Variants in PPP2R2D observed in about 807,000 individuals in gnomAD.
PPP2R2D encodes the protein serine/threonine-protein phosphatase 2A 55 kDa regulatory subunit B delta isoform.
A neutral mutation model predicts 31.1 loss-of-function variants in PPP2R2D; 9 were observed. The ratio of observed to expected loss-of-function variants is 0.29; its 90% confidence interval spans 0.17 to 0.51. PPP2R2D has a LOEUF of 0.51. PPP2R2D is among the 20% of genes least tolerant of loss of function. The pLI is 0.98. For synonymous variants in PPP2R2D, 179 were observed against 172.6 expected, an observed-to-expected ratio of 1.04 and a Z score of -0.29; for missense variants, 391 against 465.6, an observed-to-expected ratio of 0.84 and a Z score of 1.48.
chr10:131,922,093 A>C (rs2035997211), intron 2 of PPP2R2D, among the ~76,000 whole-genome samples: 1 of 152,182 alleles, frequency 6.6e-6, no homozygotes, highest in Non-Finnish European at 1.5e-5. Flanking sequence ...GTGGTTTAAT[A>C]TGGTTCCCAA....
At position 131,910,187 on chromosome 10, in the gene PPP2R2D, G is replaced by T. The variant is rs1000172600; in HGVS notation, c.100+8857G>T. On this transcript the variant is annotated intron_variant, in intron 2 of 8. Transcript: ENST00000455566. ...CAGTGACGTTTCTGTACTCTCTTCC[G>T]TCAGAACCCTGAGGTCTGTCTTGTG... 7.3e-3 allele frequency among the ~76,000 whole-genome samples: 1,111 copies of T among 152,298 alleles called. 8 individuals are homozygous for T. The highest frequency in any genetic ancestry group is 0.013 in the Admixed American group (196 of 15,302).
intron 8 of PPP2R2D, among the ~76,000 whole-genome samples, chr10:131,948,776 C>T (rs555617181): frequency 6.6e-6 from 1 of 152,258 alleles, no homozygotes; most frequent in East Asian, 1.9e-4. Flanking sequence ...GTGGCTTTTC[C>T]TGTATGTGCT....
Position 131,958,700 on chromosome 10 carries a change from G to T in PPP2R2D, c.*2737G>T. 1 of 264,332 alleles carries T rather than the reference G, an allele frequency of 3.8e-6. No homozygotes were observed. Among genetic ancestry groups the T allele is most frequent in the Non-Finnish European group, 7.3e-6 (1 of 136,928 alleles). The allele number at this position is 264,332 out of a possible 1,614,324, so 16.4% of individuals were successfully genotyped here. On this transcript the variant is annotated 3_prime_UTR_variant, in exon 9 of 9. Coordinates refer to ENST00000455566, the MANE Select transcript of PPP2R2D (RefSeq NM_018461.5). ...TGCTGATCCCCCGTCCTCCTGTGGA[G>T]ATGAAGGTGTGTGCTGCTTCCTCGT...
chr10:131,922,555 C>A (rs990907434), intron 2 of PPP2R2D, among the ~76,000 whole-genome samples: 1 of 151,408 alleles, frequency 6.6e-6, no homozygotes, highest in Admixed American at 6.6e-5. Flanking sequence ...CAGGTGCACA[C>A]GATTCTCCTG....
At chr10:131,908,724 T>C (rs1195540172) in intron 2 of PPP2R2D, among the ~76,000 whole-genome samples, 1 of 152,340 alleles carries the variant, frequency 6.6e-6, no homozygotes, top group East Asian at 1.9e-4. Context: ...AGAAAATGTA[T>C]GGAAAGCTCT....
downstream of PPP2R2D, among the ~76,000 whole-genome samples, chr10:131,964,666 G>GTTTTTTT (rs60096905): frequency 7.5e-6 from 1 of 133,798 alleles, no homozygotes; most frequent in Non-Finnish European, 1.6e-5. Context: ...AGTTTACTAT[G>GTTTTTTT]TTTTTTTTTT....
chr10:131,955,867 C>A lies in PPP2R2D; in HGVS notation c.1266C>A (p.Asn422Lys). The change falls in exon 9 of 9, where the codon AAC becomes AAA. Residue 422 changes from asparagine (N) to lysine (K), a missense_variant. By Grantham distance (94) the Asn-to-Lys change is moderately conservative (BLOSUM62 0). This residue lies in a region of PPP2R2D where 163 missense variants were observed against 179.5 expected (regional missense o/e 0.91). Coordinates refer to ENST00000455566, the MANE Select transcript of PPP2R2D (RefSeq NM_018461.5). Reference protein sequence around the residue: ...DEISVDSLDFNKKILHTAWHP... With the variant: ...DEISVDSLDFKKKILHTAWHP... ...TCAGTGTGGACAGTCTGGACTTCAA[C>A]AAGAAGATCCTGCACACAGCCTGGC... The A allele has an allele frequency of 6.2e-7, 1 of 1,610,114 alleles. No homozygotes were observed. The highest frequency in any genetic ancestry group is 8.5e-7 in the Non-Finnish European group (1 of 1,177,962).
chr10:131,949,039 C>G (rs2036594381), intron 8 of PPP2R2D, among the ~76,000 whole-genome samples: 1 of 152,208 alleles, frequency 6.6e-6, no homozygotes, highest in South Asian at 2.1e-4. Flanking sequence ...GCTCCTGCCT[C>G]CACGAGGGCT....
chr10:131,970,508 G>A, the PPP2R2D span: 1 of 1,307,674 alleles, frequency 7.6e-7, no homozygotes, highest in Non-Finnish European at 1.0e-6. The surrounding 1 kb of genome is among the most constrained non-coding windows in gnomAD (Gnocchi z 4.1). Context: ...GACTACGTGG[G>A]TGTTTGTGAA....
chr10:131,931,452 A>G lies in PPP2R2D; in HGVS notation c.101-3006A>G, dbSNP rs182290254. Reference sequence around the variant, plus strand: ...AATCCCCACCTCCCTGGTTCAAGCGATTCTCCTGCCTCAGCCTCCCGAGTA... The same window carrying G: ...AATCCCCACCTCCCTGGTTCAAGCGGTTCTCCTGCCTCAGCCTCCCGAGTA... On this transcript the variant is annotated intron_variant, in intron 2 of 8. Coordinates refer to ENST00000455566, the MANE Select transcript of PPP2R2D (RefSeq NM_018461.5). 3.7e-3 allele frequency among the ~76,000 whole-genome samples: 566 copies of G among 152,254 alleles called. 4 individuals carry two copies. Among genetic ancestry groups the G allele is most frequent in the Non-Finnish European group, 6.0e-3 (406 of 68,008 alleles).
chr10:131,930,935 A>C (rs1365947879), intron 2 of PPP2R2D, among the ~76,000 whole-genome samples: 1 of 151,952 alleles, frequency 6.6e-6, no homozygotes, highest in Non-Finnish European at 1.5e-5. Flanking sequence ...GAAGGTTTTG[A>C]TGATTACTGT....
Position 131,947,590 on chromosome 10 carries a change from T to C in PPP2R2D, c.881T>C (p.Ile294Thr), listed in dbSNP as rs1554898155. Residue 294 changes from isoleucine (I) to threonine (T), a missense_variant, in exon 8 of 9, where the codon ATA (isoleucine) becomes ACA (threonine). Around this residue, in one of 3 missense-constraint regions of PPP2R2D, gnomAD observed 123 missense variants for 187.7 expected, o/e 0.66. Transcript: ENST00000455566. The surrounding 1 kb of genome is among the most constrained non-coding windows in gnomAD (Gnocchi z 4.3). ...RSFFSEIISS[I>T]SDVKFSHSGR... is the part of the protein sequence containing the mutation. The stretch of plus-strand genomic sequence containing the variant: ...TTCTTCTCAGAAATAATTTCATCCA[T>C]ATCCGATGTAAAATTCAGTCATAGT... The C allele has an allele frequency of 6.2e-7, 1 of 1,614,206 alleles. No individual in the cohort carries two copies. The highest frequency in any genetic ancestry group is 1.3e-5 in the African/African-American group (1 of 75,052).
intron 2 of PPP2R2D, among the ~76,000 whole-genome samples, chr10:131,918,657 T>G: frequency 7.0e-6 from 1 of 142,530 alleles, no homozygotes; most frequent in Non-Finnish European, 1.5e-5. Flanking sequence ...TGTAGGGACC[T>G]CAGGCGGGTA....
At chr10:131,965,957 C>T in the PPP2R2D span, among the ~76,000 whole-genome samples, 32 of 152,310 alleles carry the variant, frequency 2.1e-4, no homozygotes, top group Admixed American at 3.3e-4. Flanking sequence ...AGTCTCTATG[C>T]GTGGGCACCT....
Position 131,956,075 on chromosome 10 carries a change from T to G in PPP2R2D, c.*112T>G. On this transcript the variant is annotated 3_prime_UTR_variant, in exon 9 of 9. Transcript: ENST00000455566. ...TTAAGAACAGTGACGCACCTGCTAC[T>G]TCCCTTCACAGACACAGGAGAAAGC... 7.8e-7 allele frequency: 1 copy of G among 1,277,046 alleles called. No homozygotes were observed. The highest frequency in any genetic ancestry group is 9.9e-7 in the Non-Finnish European group (1 of 1,011,280). 79.1% of individuals were successfully genotyped at this position (1,277,046 alleles called of 1,614,324 possible).
chr10:131,923,326 T>G (rs1303093208), intron 2 of PPP2R2D, among the ~76,000 whole-genome samples: 1 of 152,158 alleles, frequency 6.6e-6, no homozygotes, highest in African/African-American at 2.4e-5. Flanking sequence ...CCTCCTTTCC[T>G]GGTCAAACAG....
rs1036856667 is a variant in PPP2R2D, at chr10:131,901,766, A to G, written c.100+436A>G. 3.8e-4 allele frequency among the ~76,000 whole-genome samples: 58 copies of G among 152,236 alleles called. 2 individuals are homozygous for G. In the South Asian group the frequency reaches 0.011, roughly 29 times the overall value. On this transcript the variant is annotated intron_variant, in intron 2 of 8. Coordinates refer to ENST00000455566, the MANE Select transcript of PPP2R2D (RefSeq NM_018461.5). ...TGGCCCAGAGGCTGGGAACGCGCCTAGGGCTGGGTCGGGGCCTCGGCCCCC... is the reference window on the plus strand; with the variant it reads ...TGGCCCAGAGGCTGGGAACGCGCCTGGGGCTGGGTCGGGGCCTCGGCCCCC...
At chr10:131,960,468 C>G (rs1312991543), downstream of PPP2R2D, among the ~76,000 whole-genome samples, 3 of 152,180 alleles carry the variant, frequency 2.0e-5, no homozygotes, top group Admixed American at 2.0e-4. Context: ...ATGATGCCCT[C>G]GTGGACAGAC....
intron 3 of PPP2R2D, among the ~76,000 whole-genome samples, chr10:131,937,440 C>G (rs1447846684): frequency 2.0e-5 from 3 of 152,210 alleles, no homozygotes; most frequent in African/African-American, 7.2e-5. Flanking sequence ...CCTCCTCTTC[C>G]TGTGTGTTAC....
Sources: gnomAD v4.1 joint callset for allele counts (sites outside exome capture counted in the v4.1 genomes callset) on GRCh38, gnomAD v4.1.1 for gene constraint, gnomAD v4.1.1 regional missense constraint, Gnocchi (gnomAD v3.1) non-coding constraint, MANE v1.5 for transcripts, NCBI Gene and HGNC (gene_info 2026-07-23, HGNC 2026-07-21) for gene names.